The following WDFY4 variants were observed in gnomAD, a reference collection of about 807,000 sequenced individuals.
The protein encoded by WDFY4 is WDFY family member 4.
Under a neutral mutation model 351.9 loss-of-function variants are expected in WDFY4, and 169 were observed. That is an observed-to-expected ratio of 0.48 (90% CI 0.42 to 0.55). The LOEUF is 0.55. Among genes scored for constraint, WDFY4 ranks in the 20% least tolerant of loss-of-function variants. WDFY4 has a pLI of 0.00. For missense variants in WDFY4, 3,803 were observed against 3,935.6 expected (o/e 0.97, Z 0.90); for synonymous variants, 1,622 against 1,574.6 (o/e 1.03, Z -0.71).
intron 47 of WDFY4, among the ~76,000 whole-genome samples, chr10:48,912,439 C>T (rs1398578813): frequency 6.6e-6 from 1 of 152,202 alleles, no homozygotes; most frequent in Non-Finnish European, 1.5e-5. Context: ...TGGACCTAGA[C>T]CTGTCCAACC....
chr10:48,778,638 G>A lies in WDFY4; in HGVS notation c.3203G>A (p.Gly1068Glu), dbSNP rs1437287803. 6.4e-7 allele frequency: 1 copy of A among 1,551,466 alleles called. No individual in the cohort carries two copies. Among genetic ancestry groups the A allele is most frequent in the Non-Finnish European group, 8.7e-7 (1 of 1,147,012 alleles). The part of the protein sequence containing the change: ...TGATRPFPPP[G>E]GLTFSCWFLI... ...GCCACCAGACCGTTCCCTCCTCCTGGAGGTCTGACCTTCTCCTGCTGGTTC... is the reference window on the plus strand; with the variant it reads ...GCCACCAGACCGTTCCCTCCTCCTGAAGGTCTGACCTTCTCCTGCTGGTTC... The change falls in exon 18 of 62, where the codon GGA (glycine) becomes GAA (glutamate). Residue 1068 changes from glycine (G) to glutamate (E), a missense_variant. Transcript: ENST00000325239.
intron 43 of WDFY4, among the ~76,000 whole-genome samples, chr10:48,889,580 C>T (rs146271692): frequency 5.9e-5 from 9 of 152,234 alleles, no homozygotes; most frequent in Non-Finnish European, 8.8e-5. Context: ...ATGCTGGCCT[C>T]GGCCTTATTC....
Position 48,966,817 on chromosome 10 carries a change from G to A in WDFY4, c.8584+144G>A, listed in dbSNP as rs1564536071. The A allele has an allele frequency of 2.6e-6, 3 of 1,137,730 alleles. No homozygotes were observed. The East Asian group carries it at 8.0e-5, about 30-fold the overall frequency. The allele number at this position is 1,137,730 out of a possible 1,614,324, so 70.5% of individuals were successfully genotyped here. A position where few individuals can be genotyped will look rare whatever the true frequency, so the allele number is the denominator to read the frequency against. On this transcript the variant is annotated intron_variant, in intron 55 of 61. Coordinates refer to ENST00000325239, the MANE Select transcript of WDFY4 (RefSeq NM_001394531.1). Reference sequence around the variant, plus strand: ...ATGGCTGCATCTCCAGTCACAGCCAGATTCTAGGGGGGTGTCATCTCTGGG... The same window carrying A: ...ATGGCTGCATCTCCAGTCACAGCCAAATTCTAGGGGGGTGTCATCTCTGGG...
intron 53 of WDFY4, among the ~76,000 whole-genome samples, chr10:48,960,455 A>G (rs541533471): frequency 6.6e-6 from 1 of 152,256 alleles, no homozygotes. Flanking sequence ...GGAATGCATG[A>G]GACATCAATG....
intron 9 of WDFY4, among the ~76,000 whole-genome samples, chr10:48,732,035 T>C (rs1235940981): frequency 1.3e-5 from 2 of 152,176 alleles, no homozygotes; most frequent in Non-Finnish European, 2.9e-5. Context: ...CTCCAAGTCT[T>C]GGTGCCCTGC....
At position 48,978,366 on chromosome 10, in the gene WDFY4, C is replaced by T. The variant is rs190518084; in HGVS notation, c.9349C>T (p.Pro3117Ser). The change falls in exon 60 of 62, where the codon CCC becomes TCC. Residue 3117 changes from proline (P) to serine (S), a missense_variant. Pro to Ser is a moderately conservative substitution (Grantham distance 74). Around this residue, in one of 3 missense-constraint regions of WDFY4, gnomAD observed 3,054 missense variants for 3,148.6 expected, o/e 0.97. Coordinates refer to ENST00000325239, the MANE Select transcript of WDFY4 (RefSeq NM_001394531.1). ...SVPGRPAGEE[P>S]PAQPPSPRGH... is the part of the protein sequence containing the mutation. ...TCCTGGACGGCCAGCAGGAGAGGAGCCCCCGGCTCAGCCTCCAAGCCCAAG... is the reference window on the plus strand; with the variant it reads ...TCCTGGACGGCCAGCAGGAGAGGAGTCCCCGGCTCAGCCTCCAAGCCCAAG... The T allele has an allele frequency of 1.3e-4, 204 of 1,551,144 alleles. 1 individual carries two copies. The African/African-American group carries it at 2.6e-3, about 19-fold the overall frequency.
At chr10:48,701,113 A>G (rs2063468569) in intron 1 of WDFY4, among the ~76,000 whole-genome samples, 1 of 152,066 alleles carries the variant, frequency 6.6e-6, no homozygotes, top group African/African-American at 2.4e-5. Context: ...TCTGGGAACC[A>G]CCATTCACCT....
intron 43 of WDFY4, among the ~76,000 whole-genome samples, chr10:48,887,444 A>T (rs947860090): frequency 6.6e-6 from 1 of 152,252 alleles, no homozygotes; most frequent in Non-Finnish European, 1.5e-5. Context: ...TACTTGAATT[A>T]AAAATGCCCA....
chr10:48,941,806 G>A lies in WDFY4; in HGVS notation c.7587G>A (p.Arg2529=). 2 of 1,552,084 alleles carry A rather than the reference G, an allele frequency of 1.3e-6. No homozygotes were observed. Among genetic ancestry groups the A allele is most frequent in the Admixed American group, 3.9e-5 (2 of 51,002 alleles). The change falls in exon 48 of 62, where the codon AGG becomes AGA. Residue 2529 remains arginine, a splice_region_variant and synonymous_variant. Transcript: ENST00000325239. ...KATSEDTLSL[R]RYPGSDRIML... ...ACCACCTTGGTTTTCTGTCCCACAG[G>A]AGATACCCCGGCTCTGACAGGATCA...
chr10:48,930,890 A>G (rs2663059), intron 47 of WDFY4, among the ~76,000 whole-genome samples: 135,280 of 152,154 alleles, frequency 0.89, 61,584 homozygotes, highest in East Asian at 1. Flanking sequence ...GTTCTCTGGC[A>G]CACATGCACC....
intron 43 of WDFY4, among the ~76,000 whole-genome samples, chr10:48,881,014 A>T (rs1019222031): frequency 1.3e-5 from 2 of 152,152 alleles, no homozygotes; most frequent in African/African-American, 4.8e-5. Flanking sequence ...TAAGAGAACC[A>T]TTCCCCAGCC....
intron 39 of WDFY4, among the ~76,000 whole-genome samples, chr10:48,856,263 A>T (rs2069129738): frequency 6.6e-6 from 1 of 152,090 alleles, no homozygotes; most frequent in Admixed American, 6.5e-5. Flanking sequence ...CTTTTTTGCG[A>T]GATAGCCACT....
intron 19 of WDFY4, among the ~76,000 whole-genome samples, chr10:48,783,756 A>G (rs2066303466): frequency 6.6e-6 from 1 of 152,228 alleles, no homozygotes; most frequent in African/African-American, 2.4e-5. Flanking sequence ...CTTAGGCTAT[A>G]TGGTATAGCT....
chr10:48,727,055 T>A (rs2064294077), intron 6 of WDFY4, among the ~76,000 whole-genome samples: 1 of 152,184 alleles, frequency 6.6e-6, no homozygotes, highest in Non-Finnish European at 1.5e-5. Context: ...GCACCCCATC[T>A]TTTTACCCTC....
chr10:48,750,526 A>G (rs954353642), intron 12 of WDFY4, among the ~76,000 whole-genome samples: 4 of 152,186 alleles, frequency 2.6e-5, no homozygotes, highest in African/African-American at 9.7e-5. Context: ...TTCTTCCAAG[A>G]AGCCTCCCCT....
chr10:48,823,153 G>C, intron 35 of WDFY4: 4 of 1,298,436 alleles, frequency 3.1e-6, no homozygotes, highest in Non-Finnish European at 4.0e-6. Flanking sequence ...CAAAATTCCA[G>C]CATTGAAAGA....
intron 35 of WDFY4, 91 bp from the exon 36 acceptor site, chr10:48,826,580 A>G: frequency 1.0e-6 from 1 of 996,430 alleles, no homozygotes; most frequent in South Asian, 1.6e-5. Context: ...TCACTTTTTG[A>G]TTATACTATT....
rs114924466 is a variant in WDFY4, at chr10:48,752,526, A to G, written c.2460-7821A>G. Reference sequence around the variant, plus strand: ...ACACTTTTATCACCCCAAAAGGAAAACCTATACTCATTCTCATTCTTTTCC... The same window carrying G: ...ACACTTTTATCACCCCAAAAGGAAAGCCTATACTCATTCTCATTCTTTTCC... On this transcript the variant is annotated intron_variant, in intron 12 of 61. Transcript: ENST00000325239. Among the ~76,000 whole-genome samples, 781 of 152,324 alleles carry G rather than the reference A, an allele frequency of 5.1e-3. 6 individuals are homozygous for G. Among genetic ancestry groups the G allele is most frequent in the African/African-American group, 0.017 (711 of 41,572 alleles).
chr10:48,974,974 T>C lies in WDFY4; in HGVS notation c.9041T>C (p.Leu3014Pro). The C allele has an allele frequency of 6.4e-7, 1 of 1,551,628 alleles. No individual in the cohort carries two copies. The highest frequency in any genetic ancestry group is 2.0e-5 in the Admixed American group (1 of 51,008). ...CTCILWDLDH[L>P]THVTRLPAHR... ...TGTATCCTGTGGGATCTGGACCACC[T>C]CACCCACGTGACCCGCCTGCCCGCC... Residue 3014 changes from leucine (L) to proline (P), a missense_variant, in exon 58 of 62, where the codon CTC becomes CCC. Physicochemically the swap from Leu to Pro is moderately conservative, Grantham distance 98. Around this residue, in one of 3 missense-constraint regions of WDFY4, gnomAD observed 3,054 missense variants for 3,148.6 expected, o/e 0.97. Transcript: ENST00000325239.
Sources: gnomAD v4.1 joint callset for allele counts (sites outside exome capture counted in the v4.1 genomes callset) on GRCh38, gnomAD v4.1.1 for gene constraint, gnomAD v4.1.1 regional missense constraint, MANE v1.5 for transcripts, NCBI Gene and HGNC (gene_info 2026-07-23, HGNC 2026-07-21) for gene names.